The following ATCAY variants were observed in gnomAD, a reference collection of about 807,000 sequenced individuals.
The protein encoded by ATCAY is caytaxin.
A neutral mutation model predicts 47.7 loss-of-function variants in ATCAY; 22 were observed. The observed-to-expected ratio is 0.46, with a 90% CI of 0.33 to 0.66. The LOEUF is 0.66. ATCAY is among the 30% of genes least tolerant of loss of function. The pLI, the probability that ATCAY is intolerant of heterozygous loss-of-function variation, is 0.02. For missense variants in ATCAY, 452 were observed against 515.0 expected, an observed-to-expected ratio of 0.88 and a Z score of 1.18; for synonymous variants, 216 against 207.6, an observed-to-expected ratio of 1.04 and a Z score of -0.35.
chr19:3,910,657 G>T, intron 7 of ATCAY, 146 bp from the exon 8 acceptor site: 1 of 752,688 alleles, frequency 1.3e-6, no homozygotes, highest in Non-Finnish European at 2.3e-6. Context: ...TTGGATGGGG[G>T]CAGGGATTTG....
At chr19:3,882,956 A>ATTT (rs113348359) in intron 1 of ATCAY, among the ~76,000 whole-genome samples, 5 of 143,380 alleles carry the variant, frequency 3.5e-5, no homozygotes, top group Admixed American at 6.9e-5. Context: ...TAGTTTTTGT[A>ATTT]TTTTTTTTTT....
At chr19:3,902,449 G>A in intron 2 of ATCAY, 38 bp from the exon 3 acceptor site, 1 of 1,553,336 alleles carries the variant, frequency 6.4e-7, no homozygotes, top group Non-Finnish European at 8.7e-7. Flanking sequence ...AATCTCTGGT[G>A]CCCGGCGACT....
chr19:3,911,158 C>T (rs962944873), intron 8 of ATCAY, among the ~76,000 whole-genome samples: 1 of 152,082 alleles, frequency 6.6e-6, no homozygotes, highest in Non-Finnish European at 1.5e-5. Flanking sequence ...GTGGGAGGAT[C>T]GTTTGAGGCC....
chr19:3,895,768 G>A (rs61664462), intron 2 of ATCAY, among the ~76,000 whole-genome samples: 13,028 of 143,464 alleles, frequency 0.091, 1,711 homozygotes, highest in African/African-American at 0.29. Context: ...AGGCGGGAGT[G>A]CAGTGGTGCC....
chr19:3,889,940 T>C (rs955335364), intron 2 of ATCAY, among the ~76,000 whole-genome samples: 1 of 151,834 alleles, frequency 6.6e-6, no homozygotes, highest in African/African-American at 2.4e-5. Context: ...ATTTCTTTAC[T>C]TTTCTTTTCT....
At position 3,886,278 on chromosome 19, in the gene ATCAY, G is replaced by A. The variant is rs529273030; in HGVS notation, c.77+434G>A. Among the ~76,000 whole-genome samples the A allele has an allele frequency of 3.3e-5, 5 of 151,718 alleles. No individual in the cohort carries two copies. In the South Asian group the frequency reaches 1.0e-3, roughly 32 times the overall value. On this transcript the variant is annotated intron_variant, in intron 2 of 12. Transcript: ENST00000450849. ...AGCCTGGCCAACATGGCAAAACCGC[G>A]TCTCTACTAAAACTACAAAAATTAG...
chr19:3,909,270 G>T (rs565160521), intron 6 of ATCAY, among the ~76,000 whole-genome samples: 1 of 149,606 alleles, frequency 6.7e-6, no homozygotes, highest in East Asian at 2.0e-4. Context: ...AAGAGTAACT[G>T]CCCTATGAGG....
intron 2 of ATCAY, among the ~76,000 whole-genome samples, chr19:3,900,450 G>C (rs2038806734): frequency 6.6e-6 from 1 of 151,996 alleles, no homozygotes; most frequent in South Asian, 2.1e-4. Context: ...CAGGATCCCA[G>C]ATGACATTTA....
intron 6 of ATCAY, 39 bp from the exon 7 acceptor site, chr19:3,909,447 C>T: frequency 1.2e-6 from 2 of 1,604,522 alleles, no homozygotes; most frequent in East Asian, 2.2e-5. Context: ...CCCTGGACCC[C>T]TCCATGTTGG....
intron 2 of ATCAY, among the ~76,000 whole-genome samples, chr19:3,892,325 C>T (rs1440433334): frequency 2.0e-5 from 3 of 152,230 alleles, no homozygotes; most frequent in Middle Eastern, 6.8e-3. Context: ...ACTGCAGCCC[C>T]CTGAATACCT....
chr19:3,892,110 G>T (rs567918598), intron 2 of ATCAY, among the ~76,000 whole-genome samples: 2 of 151,926 alleles, frequency 1.3e-5, no homozygotes, highest in Non-Finnish European at 2.9e-5. Context: ...GGCTGGTCTC[G>T]AACTACTGAC....
At position 3,885,856 on chromosome 19, in the gene ATCAY, A is replaced by G; in HGVS notation, c.77+12A>G. The G allele has an allele frequency of 1.3e-6, 2 of 1,551,328 alleles. No homozygotes were observed. Among genetic ancestry groups the G allele is most frequent in the South Asian group, 2.4e-5 (2 of 84,038 alleles). On this transcript the variant is annotated intron_variant, in intron 2 of 12. Coordinates refer to ENST00000450849, the MANE Select transcript of ATCAY (RefSeq NM_033064.5). ...GAAGATCTTCCCAGGTAGGACTTCC[A>G]CATCCCTGAGTCAACCGTTGGGGGA...
intron 2 of ATCAY, among the ~76,000 whole-genome samples, chr19:3,890,709 AT>A (rs2038710527): frequency 6.6e-6 from 1 of 152,086 alleles, no homozygotes; most frequent in African/African-American, 2.4e-5. Context: ...TTTCTGGTGG[AT>A]TTCTTACAGC....
At position 3,900,815 on chromosome 19, in the gene ATCAY, C is replaced by T. The variant is rs532434503; in HGVS notation, c.78-1672C>T. On this transcript the variant is annotated intron_variant, in intron 2 of 12. Coordinates refer to ENST00000450849, the MANE Select transcript of ATCAY (RefSeq NM_033064.5). Reference sequence around the variant, plus strand: ...CCTCCCAAAGTGCTGGGATTACAGGCGTGAGCTGCTGCGCCTGGCCCATCC... The same window carrying T: ...CCTCCCAAAGTGCTGGGATTACAGGTGTGAGCTGCTGCGCCTGGCCCATCC... 2.4e-3 allele frequency among the ~76,000 whole-genome samples: 359 copies of T among 150,722 alleles called. 4 individuals are homozygous for T. The highest frequency in any genetic ancestry group is 8.3e-3 in the African/African-American group (343 of 41,326).
At chr19:3,914,175 G>A (rs1481735257) in intron 9 of ATCAY, among the ~76,000 whole-genome samples, 2 of 145,142 alleles carry the variant, frequency 1.4e-5, no homozygotes, top group African/African-American at 5.2e-5. Flanking sequence ...GGCGGAGGTT[G>A]CAGTAAGCTG....
intron 11 of ATCAY, among the ~76,000 whole-genome samples, chr19:3,919,450 G>A (rs1459556059): frequency 6.6e-6 from 1 of 151,810 alleles, no homozygotes; most frequent in Non-Finnish European, 1.5e-5. Flanking sequence ...AAATTAGCTG[G>A]GCATGGTGGC....
chr19:3,907,667 G>T lies in ATCAY; in HGVS notation c.359-67G>T. The T allele has an allele frequency of 6.3e-7, 1 of 1,580,356 alleles. No homozygotes were observed. Among genetic ancestry groups the T allele is most frequent in the Non-Finnish European group, 8.6e-7 (1 of 1,158,556 alleles). ...AGGGAGGTGGGAGAGGGGAAGGAAG[G>T]CTGAGCAGGAGGGCAGGAGATATCC... On this transcript the variant is annotated intron_variant, in intron 4 of 12. Coordinates refer to ENST00000450849, the MANE Select transcript of ATCAY (RefSeq NM_033064.5). This position sits in a 1 kb window ranked among gnomAD's most constrained non-coding sequence, Gnocchi z 5.1.
chr19:3,920,749 C>G lies in ATCAY; in HGVS notation c.1074-17C>G. ...AAAATAAGCAAATAACGCCCAGTCT[C>G]CGTCTCTCCTCCACAGGTCTGCTCT... is the stretch of plus-strand genomic sequence containing the variant. On this transcript the variant is annotated splice_polypyrimidine_tract_variant and intron_variant, in intron 11 of 12. Transcript: ENST00000450849. 1 of 1,600,018 alleles carries G rather than the reference C, an allele frequency of 6.2e-7. No individual in the cohort carries two copies. The highest frequency in any genetic ancestry group is 8.5e-7 in the Non-Finnish European group (1 of 1,171,460).
intron 5 of ATCAY, 150 bp from the exon 6 acceptor site, chr19:3,908,118 G>T: frequency 1.0e-6 from 1 of 978,104 alleles, no homozygotes. Context: ...CTCAGCGAAG[G>T]CAGAGACTGG....
Sources: gnomAD v4.1 joint callset for allele counts (sites outside exome capture counted in the v4.1 genomes callset) on GRCh38, gnomAD v4.1.1 for gene constraint, Gnocchi (gnomAD v3.1) non-coding constraint, MANE v1.5 for transcripts, NCBI Gene and HGNC (gene_info 2026-07-23, HGNC 2026-07-21) for gene names.